CHD6: variants seen among roughly 807,000 people sequenced by gnomAD.
The protein encoded by CHD6 is chromodomain helicase DNA binding protein 6, also known as ATP-dependent chromatin remodeler CHD6.
CHD6 carries 50 observed loss-of-function variants against 276.9 expected under a neutral mutation model. The observed-to-expected ratio is 0.18, with a 90% CI of 0.14 to 0.23. The LOEUF (loss-of-function observed/expected upper bound fraction) is 0.23, where lower values mean the gene tolerates loss of function less well. Among genes scored for constraint, CHD6 ranks in the 10% least tolerant of loss-of-function variants. The pLI, the probability that CHD6 is intolerant of heterozygous loss-of-function variation, is 1.00. For missense variants in CHD6, 2,564 were observed against 3,365.8 expected (o/e 0.76, Z 5.89); for synonymous variants, 1,173 against 1,229.3 (o/e 0.95, Z 0.96).
chr20:41,508,462 A>T (rs2044032552), intron 5 of CHD6, among the ~76,000 whole-genome samples: 1 of 152,144 alleles, frequency 6.6e-6, no homozygotes, highest in East Asian at 1.9e-4. Flanking sequence ...CTGGTATCCG[A>T]CTGGGGAGAG....
At chr20:41,411,841 C>A (rs762816816) in intron 36 of CHD6, among the ~76,000 whole-genome samples, 3 of 152,192 alleles carry the variant, frequency 2.0e-5, no homozygotes, top group African/African-American at 7.2e-5. Context: ...GTTAAAATTT[C>A]TTTCCCCTCA....
chr20:41,591,592 C>G (rs1268787881), intron 1 of CHD6, among the ~76,000 whole-genome samples: 1 of 152,008 alleles, frequency 6.6e-6, no homozygotes, highest in Non-Finnish European at 1.5e-5. Context: ...ATTCGGGAGG[C>G]TGAGGCAGGA....
chr20:41,442,239 G>A (rs946901287), intron 25 of CHD6, among the ~76,000 whole-genome samples: 2 of 151,674 alleles, frequency 1.3e-5, no homozygotes, highest in Non-Finnish European at 2.9e-5. Flanking sequence ...CCAGGAGTTC[G>A]AGCCCAGCCT....
chr20:41,415,067 AAGC>A (rs2145419313), intron 34 of CHD6, 116 bp downstream of exon 34: 1 of 1,483,268 alleles, frequency 6.7e-7, no homozygotes, highest in Non-Finnish European at 9.0e-7. Flanking sequence ...AGAGAAAATA[AAGC>A]AGGACAACCG....
chr20:41,529,995 T>C (rs1057448543), intron 3 of CHD6, among the ~76,000 whole-genome samples: 8 of 152,190 alleles, frequency 5.3e-5, no homozygotes, highest in African/African-American at 1.9e-4. Context: ...CTTATCTCAC[T>C]TCCCCGACTG....
At chr20:41,586,311 T>C (rs2045594241) in intron 1 of CHD6, among the ~76,000 whole-genome samples, 2 of 152,208 alleles carry the variant, frequency 1.3e-5, no homozygotes, top group Admixed American at 6.5e-5. Context: ...CGGCAGGGTG[T>C]CCGCTGTGCT....
chr20:41,489,695 A>C, intron 12 of CHD6, 83 bp downstream of exon 12: 1 of 1,549,660 alleles, frequency 6.5e-7, no homozygotes, highest in South Asian at 1.1e-5. Context: ...GATGCAGGGC[A>C]CTGGAACTTC....
At position 41,420,681 on chromosome 20, in the gene CHD6, G is replaced by A. The variant is rs766525330; in HGVS notation, c.5954C>T (p.Pro1985Leu). The A allele has an allele frequency of 6.2e-7, 1 of 1,614,198 alleles. No homozygotes were observed. The highest frequency in any genetic ancestry group is 1.7e-5 in the Admixed American group (1 of 60,028). ...IAMEGEPTAIPSQPFKVKHEL... is the reference protein window; with the variant it reads ...IAMEGEPTAILSQPFKVKHEL... ...ATGCTTCACTTTAAACGGCTGTGATGGAATAGCAGTGGGTTCACCCTCCAT... is the reference window on the plus strand; with the variant it reads ...ATGCTTCACTTTAAACGGCTGTGATAGAATAGCAGTGGGTTCACCCTCCAT... The change falls in exon 31 of 37, where the codon CCA becomes CTA. Residue 1985 changes from proline to leucine, a missense_variant. Transcript: ENST00000373233.
Position 41,488,454 on chromosome 20 carries a change from G to A in CHD6, c.1831C>T (p.Leu611=), listed in dbSNP as rs2043470724. The change falls in exon 13 of 37, where the codon CTG becomes TTG. Residue 611 remains leucine, a synonymous_variant. Transcript: ENST00000373233. ...AGGGCCATAAGCTTTAGACCCTCCA[G>A]AAGTTTGCAGTTCCTATTCTTCAGT... The part of the protein sequence containing the change: ...HRLKNRNCKL[L]EGLKLMALEH... 1 of 1,613,706 alleles carries A rather than the reference G, an allele frequency of 6.2e-7. No individual in the cohort carries two copies. The highest frequency in any genetic ancestry group is 1.7e-5 in the Admixed American group (1 of 59,980).
intron 1 of CHD6, among the ~76,000 whole-genome samples, chr20:41,612,381 G>A (rs529784996): frequency 6.6e-6 from 1 of 152,248 alleles, no homozygotes; most frequent in African/African-American, 2.4e-5. Flanking sequence ...AGGCAAAACT[G>A]TTAATTCCAT....
chr20:41,545,045 T>TGC (rs1241619156), intron 2 of CHD6, among the ~76,000 whole-genome samples: 1 of 152,202 alleles, frequency 6.6e-6, no homozygotes, highest in Non-Finnish European at 1.5e-5. Flanking sequence ...GGGAGCTTAC[T>TGC]GCTTACAAGG....
chr20:41,508,355 TG>T (rs1182165620), intron 5 of CHD6, among the ~76,000 whole-genome samples: 1 of 152,128 alleles, frequency 6.6e-6, no homozygotes, highest in East Asian at 1.9e-4. Flanking sequence ...ACAGGAGTTT[TG>T]ATCTAACACG....
rs566981837 is a variant in CHD6 at position 41,564,147 on chromosome 20, A to T, written c.-23-12787T>A. On this transcript the variant is annotated intron_variant, in intron 1 of 36. Coordinates refer to ENST00000373233, the MANE Select transcript of CHD6 (RefSeq NM_032221.5). ...AAAGCCAATCATATGAGACTGACAC[A>T]TGGGCTAAAAACAAAAAGTTACTCT... 116 of 748,350 alleles carry T rather than the reference A, an allele frequency of 1.6e-4. 1 individual carries two copies. The South Asian group carries it at 1.7e-3, about 11-fold the overall frequency. 46.4% of individuals were successfully genotyped at this position (748,350 alleles called of 1,614,324 possible). A position where few individuals can be genotyped will look rare whatever the true frequency, so the allele number is the denominator to read the frequency against.
chr20:41,547,705 A>T (rs2045069581), intron 2 of CHD6: 4 of 668,000 alleles, frequency 6.0e-6, no homozygotes, highest in South Asian at 1.3e-5. Context: ...AGAAAGAAAC[A>T]GAAAAACATT....
rs750532852 is a variant in CHD6, at chr20:41,551,358, T to C, written c.-21A>G. 5.2e-6 allele frequency: 7 copies of C among 1,347,872 alleles called. No individual in the cohort carries two copies. The highest frequency in any genetic ancestry group is 3.0e-5 in the African/African-American group (2 of 66,634). The allele number at this position is 1,347,872 out of a possible 1,614,324, so 83.5% of individuals were successfully genotyped here. ...TTCATCTATTGAAGGAAGATATTTA[T>C]TTCTGTAAAACATTTTTAAAAAGGC... On this transcript the variant is annotated splice_region_variant and 5_prime_UTR_variant, in exon 2 of 37. Transcript: ENST00000373233.
chr20:41,418,967 C>T (rs1017537306), intron 31 of CHD6, among the ~76,000 whole-genome samples: 1 of 152,196 alleles, frequency 6.6e-6, no homozygotes, highest in Non-Finnish European at 1.5e-5. Flanking sequence ...CTTATCTTTA[C>T]CTTGTACTCA....
At chr20:41,512,643 C>A (rs148104695) in intron 5 of CHD6, among the ~76,000 whole-genome samples, 1 of 151,920 alleles carries the variant, frequency 6.6e-6, no homozygotes, top group Non-Finnish European at 1.5e-5. Flanking sequence ...CAAAACAAGG[C>A]GAGAGTGTGA....
chr20:41,412,452 C>T (rs1414723688), intron 35 of CHD6, among the ~76,000 whole-genome samples, 189 bp from the exon 36 acceptor site: 1 of 152,194 alleles, frequency 6.6e-6, no homozygotes, highest in Non-Finnish European at 1.5e-5. Context: ...CACCAGTGTT[C>T]CTACAGTAAT....
At chr20:41,487,008 T>C (rs1055465594) in intron 14 of CHD6, among the ~76,000 whole-genome samples, 1 of 152,244 alleles carries the variant, frequency 6.6e-6, no homozygotes, top group African/African-American at 2.4e-5. Context: ...CCACCTCTAC[T>C]ATTTGTTCCT....
Sources: allele counts gnomAD v4.1 joint callset (sites outside exome capture counted in the v4.1 genomes callset), GRCh38; gene constraint gnomAD v4.1.1; transcripts MANE v1.5; gene names NCBI Gene and HGNC (gene_info 2026-07-23, HGNC 2026-07-21).